Variants in EPHB1 observed in about 807,000 individuals in gnomAD.
EPHB1 encodes ephrin type-B receptor 1.
EPHB1 carries 30 observed loss-of-function variants against 94.4 expected under a neutral mutation model. The ratio of observed to expected loss-of-function variants is 0.32; its 90% CI spans 0.24 to 0.43. The LOEUF (loss-of-function observed/expected upper bound fraction) is 0.43, where lower values mean the gene tolerates loss of function less well. EPHB1 is among the 20% of genes least tolerant of loss of function. The pLI, the probability that EPHB1 is intolerant of heterozygous loss-of-function variation, is 1.00. For synonymous variants in EPHB1, 522 were observed against 489.1 expected (o/e 1.07, Z -0.89); for missense variants, 1,055 against 1,308.3 (o/e 0.81, Z 2.99).
chr3:134,900,097 A>G (rs192610046), intron 1 of EPHB1, among the ~76,000 whole-genome samples: 2 of 152,176 alleles, frequency 1.3e-5, no homozygotes, highest in African/African-American at 4.8e-5. Flanking sequence ...GAGGCTTTGG[A>G]TTCTTGAGCC....
chr3:135,232,663 A>C (rs745916251), intron 12 of EPHB1, among the ~76,000 whole-genome samples: 3 of 152,168 alleles, frequency 2.0e-5, no homozygotes, highest in Non-Finnish European at 4.4e-5. Context: ...GCTTAGTACA[A>C]TGTTGAAAAA....
At chr3:135,248,995 T>C (rs1312808517) in intron 14 of EPHB1, among the ~76,000 whole-genome samples, 3 of 152,170 alleles carry the variant, frequency 2.0e-5, no homozygotes, top group Admixed American at 2.0e-4. Flanking sequence ...AATATGCATA[T>C]TTTTAAAAGG....
At chr3:134,810,276 AGTGTGTGTGT>A (rs35841212) in intron 1 of EPHB1, among the ~76,000 whole-genome samples, 5 of 145,790 alleles carry the variant, frequency 3.4e-5, no homozygotes, top group East Asian at 2.0e-4. Context: ...GCACAGGAGG[AGTGTGTGTGT>A]GTGTGTGTGT....
intron 1 of EPHB1, among the ~76,000 whole-genome samples, chr3:134,824,175 C>G (rs1295566965): frequency 8.2e-6 from 1 of 122,640 alleles, no homozygotes; most frequent in Non-Finnish European, 1.6e-5. Context: ...TTGCACTTGA[C>G]TAAGTGGTAG....
chr3:135,255,670 G>C (rs1033767039), intron 15 of EPHB1, among the ~76,000 whole-genome samples: 62 of 151,222 alleles, frequency 4.1e-4, no homozygotes, highest in Non-Finnish European at 6.9e-4. Flanking sequence ...GTGTGGTGTG[G>C]TGCTGAAAAA....
At chr3:135,225,127 T>C (rs1211671233) in intron 12 of EPHB1, among the ~76,000 whole-genome samples, 1 of 152,198 alleles carries the variant, frequency 6.6e-6, no homozygotes, top group Non-Finnish European at 1.5e-5. Context: ...TCTTCACACC[T>C]ACTCTGCTGC....
intron 2 of EPHB1, among the ~76,000 whole-genome samples, chr3:134,927,569 T>C (rs2038818967): frequency 6.6e-6 from 1 of 152,276 alleles, no homozygotes; most frequent in Non-Finnish European, 1.5e-5. Flanking sequence ...TTACAAATTA[T>C]GTTATTGTTT....
chr3:134,963,736 A>G (rs1442912473), intron 3 of EPHB1, among the ~76,000 whole-genome samples: 1 of 152,198 alleles, frequency 6.6e-6, no homozygotes, highest in African/African-American at 2.4e-5. Flanking sequence ...ATGCCTCCCA[A>G]GCTAAAGAAG....
At chr3:135,183,898 G>A (rs747669480) in intron 10 of EPHB1, among the ~76,000 whole-genome samples, 1 of 152,206 alleles carries the variant, frequency 6.6e-6, no homozygotes, top group African/African-American at 2.4e-5. Context: ...ATAGCAGGGT[G>A]GGTGAAAGGA....
chr3:135,038,888 C>A (rs541266105), intron 3 of EPHB1, among the ~76,000 whole-genome samples: 29 of 152,324 alleles, frequency 1.9e-4, no homozygotes, highest in Middle Eastern at 3.4e-3. Flanking sequence ...TGCTTTTATT[C>A]TCTTATCTGG....
chr3:134,936,477 T>G (rs1234033973), intron 2 of EPHB1, among the ~76,000 whole-genome samples: 1 of 152,006 alleles, frequency 6.6e-6, no homozygotes, highest in Non-Finnish European at 1.5e-5. Context: ...GTTCAGGAAG[T>G]GAAAATTGCT....
intron 3 of EPHB1, among the ~76,000 whole-genome samples, chr3:134,960,850 T>C (rs6795876): frequency 0.49 from 73,918 of 151,838 alleles, 18,674 homozygotes; most frequent in African/African-American, 0.6. Context: ...CAGAATGAAA[T>C]AGGCATTTTG....
At chr3:135,013,979 G>A (rs1935706813) in intron 3 of EPHB1, among the ~76,000 whole-genome samples, 2 of 152,134 alleles carry the variant, frequency 1.3e-5, no homozygotes, top group Admixed American at 1.3e-4. Flanking sequence ...CAATCCAAAT[G>A]TTCATTCCTG....
intron 13 of EPHB1, among the ~76,000 whole-genome samples, 163 bp from the exon 14 acceptor site, chr3:135,248,153 A>G (rs1162791725): frequency 6.6e-6 from 1 of 152,210 alleles, no homozygotes; most frequent in African/African-American, 2.4e-5. Flanking sequence ...AGGGGGATAA[A>G]CCAAGTGCAC....
intron 1 of EPHB1, among the ~76,000 whole-genome samples, chr3:134,823,664 G>A (rs1224709468): frequency 6.6e-6 from 1 of 152,164 alleles, no homozygotes; most frequent in Non-Finnish European, 1.5e-5. Flanking sequence ...CTTCCCATGA[G>A]GCAATTAGCC....
At chr3:135,135,275 G>A (rs1234945835) in intron 5 of EPHB1, among the ~76,000 whole-genome samples, 1 of 150,348 alleles carries the variant, frequency 6.7e-6, no homozygotes, top group Non-Finnish European at 1.5e-5. Context: ...ATATCAAGTT[G>A]ACCAGTGGTT....
intron 3 of EPHB1, among the ~76,000 whole-genome samples, chr3:135,084,244 G>A (rs999347739): frequency 6.6e-6 from 1 of 152,154 alleles, no homozygotes; most frequent in South Asian, 2.1e-4. Context: ...ACGCTAATGG[G>A]AAAATCTCTC....
intron 5 of EPHB1, among the ~76,000 whole-genome samples, chr3:135,141,130 C>T (rs951938094): frequency 4.7e-5 from 7 of 149,728 alleles, no homozygotes; most frequent in Non-Finnish European, 3.0e-5. Context: ...AAAGCGTGTG[C>T]GCTTCTTTCC....
intron 3 of EPHB1, among the ~76,000 whole-genome samples, chr3:135,040,043 A>G (rs1936784780): frequency 6.6e-6 from 1 of 152,214 alleles, no homozygotes; most frequent in Non-Finnish European, 1.5e-5. Flanking sequence ...GAGCAGGAGA[A>G]TTCCTCTGCC....
Sources: gnomAD v4.1 joint callset for allele counts (sites outside exome capture counted in the v4.1 genomes callset) on GRCh38, gnomAD v4.1.1 for gene constraint, MANE v1.5 for transcripts, NCBI Gene and HGNC (gene_info 2026-07-23, HGNC 2026-07-21) for gene names.